ABI1: variants seen among roughly 807,000 people sequenced by gnomAD.
ABI1 encodes Abelson interactor 1.
ABI1 carries 14 observed loss-of-function variants against 54.6 expected under a neutral mutation model. That is an observed-to-expected ratio of 0.26 (90% CI 0.17 to 0.40). The LOEUF (loss-of-function observed/expected upper bound fraction) is 0.40, where lower values mean the gene tolerates loss of function less well. Ranked by LOEUF, ABI1 falls within the 10% of genes least tolerant of loss-of-function variation. The pLI is 1.00. For synonymous variants in ABI1, 194 were observed against 209.3 expected (o/e 0.93, Z 0.63); for missense variants, 443 against 598.3 (o/e 0.74, Z 2.71).
intron 2 of ABI1, among the ~76,000 whole-genome samples, chr10:26,800,838 C>A (rs1438950174): frequency 6.6e-6 from 1 of 152,186 alleles, no homozygotes; most frequent in Non-Finnish European, 1.5e-5. Context: ...GAAACCCCAT[C>A]TCTACTAAAA....
At chr10:26,846,905 C>T (rs1172660726) in intron 1 of ABI1, among the ~76,000 whole-genome samples, 1 of 152,172 alleles carries the variant, frequency 6.6e-6, no homozygotes, top group Non-Finnish European at 1.5e-5. Context: ...TCAACTCCAA[C>T]ATTACTTCTA....
chr10:26,809,791 G>T (rs1457107869), intron 2 of ABI1, among the ~76,000 whole-genome samples: 1 of 152,082 alleles, frequency 6.6e-6, no homozygotes, highest in East Asian at 1.9e-4. Context: ...GAAGCCTGGT[G>T]GAGCTTGCCT....
chr10:26,853,347 G>A (rs911537889), intron 1 of ABI1, among the ~76,000 whole-genome samples: 2 of 142,306 alleles, frequency 1.4e-5, no homozygotes, highest in African/African-American at 2.6e-5. Flanking sequence ...TGATGTCTTA[G>A]TAAATATTAA....
chr10:26,757,344 T>C (rs1033676118), intron 8 of ABI1, among the ~76,000 whole-genome samples: 18 of 152,138 alleles, frequency 1.2e-4, no homozygotes, highest in Admixed American at 1.2e-3. Context: ...TTAATTAAAG[T>C]ATACGGTTTG....
chr10:26,856,186 T>G (rs2050790520), intron 1 of ABI1, among the ~76,000 whole-genome samples: 1 of 148,970 alleles, frequency 6.7e-6, no homozygotes, highest in Non-Finnish European at 1.5e-5. Flanking sequence ...CTCAGGAGGC[T>G]GAGGCAGGAG....
rs796990952 is a variant in ABI1, at chr10:26,839,789, G to T, written c.118-16484C>A. The T allele has an allele frequency of 1.4e-4, 96 of 700,412 alleles. No homozygotes were observed. In the African/African-American group the frequency reaches 1.6e-3, roughly 12 times the overall value. 43.4% of individuals were successfully genotyped at this position (700,412 alleles called of 1,614,324 possible). A position where few individuals can be genotyped will look rare whatever the true frequency, so the allele number is the denominator to read the frequency against. On this transcript the variant is annotated intron_variant, in intron 1 of 10. Transcript: ENST00000376140. ...AACACAGCAAAACCATGTCTCTACA[G>T]AAAAAATAAAAATAAATAAATCTTT...
At chr10:26,829,579 A>G (rs1162636778) in intron 1 of ABI1, among the ~76,000 whole-genome samples, 1 of 152,210 alleles carries the variant, frequency 6.6e-6, no homozygotes, top group East Asian at 1.9e-4. Context: ...ATAAATATAC[A>G]CAATTTTTAT....
At position 26,789,849 on chromosome 10, in the gene ABI1, T is replaced by C. The variant is rs563774004; in HGVS notation, c.286-12608A>G. Reference sequence around the variant, plus strand: ...TATGTGTCCATATGTTCTCATCATTTAGCTCCTACATATAAGTGAGAACAT... The same window carrying C: ...TATGTGTCCATATGTTCTCATCATTCAGCTCCTACATATAAGTGAGAACAT... On this transcript the variant is annotated intron_variant, in intron 2 of 10. Coordinates refer to ENST00000376140, the MANE Select transcript of ABI1 (RefSeq NM_001012750.3). Among the ~76,000 whole-genome samples the C allele has an allele frequency of 1.0e-3, 153 of 152,328 alleles. No homozygotes were observed. In the Middle Eastern group the frequency reaches 0.01, roughly 10 times the overall value.
intron 2 of ABI1, among the ~76,000 whole-genome samples, chr10:26,821,954 T>C (rs1459639957): frequency 1.3e-5 from 2 of 151,898 alleles, no homozygotes; most frequent in African/African-American, 4.8e-5. Context: ...CAAAGGAAAT[T>C]AAATATGTAG....
At position 26,847,416 on chromosome 10, in the gene ABI1, G is replaced by A. The variant is rs559950285; in HGVS notation, c.117+13331C>T. On this transcript the variant is annotated intron_variant, in intron 1 of 10. Transcript: ENST00000376140. ...GTAGGCAGATCCCCTGACCCCAGGAGTTCAAGACCAGCCTGGAAAACATGG... is the reference window on the plus strand; with the variant it reads ...GTAGGCAGATCCCCTGACCCCAGGAATTCAAGACCAGCCTGGAAAACATGG... 2.0e-5 allele frequency among the ~76,000 whole-genome samples: 3 copies of A among 152,204 alleles called. No individual in the cohort carries two copies. In the East Asian group the frequency reaches 5.8e-4, roughly 29 times the overall value.
chr10:26,748,573 A>G lies in ABI1; in HGVS notation c.1443T>C (p.Asp481=), dbSNP rs1837201129. 8.8e-6 allele frequency: 14 copies of G among 1,598,852 alleles called. No individual in the cohort carries two copies. Among genetic ancestry groups the G allele is most frequent in the Non-Finnish European group, 1.2e-5 (14 of 1,174,734 alleles). ...TACTTCAAAAGAAAAAAAAAAATTA[A>G]TCAGTATAGTGCATGATTGATTCAA... ...NYVESIMHYT[D] is the part of the protein sequence containing the mutation. The change falls in exon 11 of 11, where the codon GAT becomes GAC. Residue 481 remains aspartate (D), a synonymous_variant. Transcript: ENST00000376140.
intron 2 of ABI1, among the ~76,000 whole-genome samples, chr10:26,782,695 C>A (rs984821452): frequency 8.0e-5 from 12 of 149,636 alleles, no homozygotes; most frequent in Non-Finnish European, 1.6e-4. Flanking sequence ...TGCACTCCAG[C>A]CTGGCGACAG....
intron 3 of ABI1, among the ~76,000 whole-genome samples, chr10:26,774,303 T>C (rs144356549): frequency 3.3e-4 from 50 of 152,336 alleles, no homozygotes; most frequent in African/African-American, 1.2e-3. Context: ...AATCCACAGA[T>C]GCAAACTTAG....
intron 7 of ABI1, among the ~76,000 whole-genome samples, chr10:26,764,800 A>G (rs1839707181): frequency 6.6e-6 from 1 of 152,228 alleles, no homozygotes; most frequent in African/African-American, 2.4e-5. Context: ...TATTACAAGT[A>G]ATCTAGAGAT....
intron 2 of ABI1, among the ~76,000 whole-genome samples, chr10:26,782,000 G>A (rs1270425633): frequency 6.6e-6 from 1 of 152,082 alleles, no homozygotes; most frequent in Non-Finnish European, 1.5e-5. Context: ...CCTGGAAAAG[G>A]ACTCATTTGT....
At chr10:26,755,565 A>G in intron 9 of ABI1, 90 bp downstream of exon 9, 1 of 1,011,812 alleles carries the variant, frequency 9.9e-7, no homozygotes, top group South Asian at 1.4e-5. Flanking sequence ...CTTCTCAATA[A>G]AAGTAAGGAA....
At chr10:26,823,368 A>C in intron 1 of ABI1, 63 bp from the exon 2 acceptor site, 1 of 1,238,740 alleles carries the variant, frequency 8.1e-7, no homozygotes, top group South Asian at 2.0e-5. Flanking sequence ...TATATATTCT[A>C]TAGAAAGGCA....
chr10:26,833,336 T>A (rs887345506), intron 1 of ABI1, among the ~76,000 whole-genome samples: 2 of 152,250 alleles, frequency 1.3e-5, no homozygotes, highest in African/African-American at 4.8e-5. Context: ...CGATTCAATC[T>A]GTATCCCCAG....
At chr10:26,794,653 A>G (rs1253821707) in intron 2 of ABI1, among the ~76,000 whole-genome samples, 1 of 151,756 alleles carries the variant, frequency 6.6e-6, no homozygotes, top group Non-Finnish European at 1.5e-5. Flanking sequence ...GTAAGGATTA[A>G]ATGAAGCAAT....
Sources: allele counts gnomAD v4.1 joint callset (sites outside exome capture counted in the v4.1 genomes callset), GRCh38; gene constraint gnomAD v4.1.1; transcripts MANE v1.5; gene names NCBI Gene and HGNC (gene_info 2026-07-23, HGNC 2026-07-21).